The following ATP2A3 variants were observed in gnomAD, a reference collection of about 807,000 sequenced individuals.
ATP2A3 encodes sarcoplasmic/endoplasmic reticulum calcium ATPase 3.
Under a neutral mutation model 106.8 loss-of-function variants are expected in ATP2A3, and 61 were observed. That is an observed-to-expected ratio of 0.57 (90% CI 0.46 to 0.71). ATP2A3 has a LOEUF of 0.71. Ranked by LOEUF, ATP2A3 falls within the 30% of genes least tolerant of loss-of-function variation. The pLI, the probability that ATP2A3 is intolerant of heterozygous loss-of-function variation, is 0.00. For synonymous variants in ATP2A3, 611 were observed against 609.3 expected (o/e 1.00, Z -0.04); for missense variants, 1,201 against 1,423.5 (o/e 0.84, Z 2.52).
In ATP2A3 at chr17:3,936,447, C is replaced by T. The variant is rs1275608748; in HGVS notation, c.2344G>A (p.Gly782Ser). 6.2e-7 allele frequency: 1 copy of T among 1,614,032 alleles called. No individual in the cohort carries two copies. Among genetic ancestry groups the T allele is most frequent in the Admixed American group, 1.7e-5 (1 of 59,998 alleles). Residue 782 changes from glycine to serine, a missense_variant, in exon 16 of 21, where the codon GGC becomes AGC. Physicochemically the swap from Gly to Ser is moderately conservative, Grantham distance 56. Coordinates refer to ENST00000397041, the MANE Select transcript of ATP2A3 (RefSeq NM_005173.4). This position sits in a 1 kb window ranked among gnomAD's most constrained non-coding sequence, Gnocchi z 5.4. ...VVCIFLTAIL[G>S]LPEALIPVQL... is the part of the protein sequence containing the mutation. Reference sequence around the variant, plus strand: ...ACAGGGATCAGGGCTTCGGGCAGGCCCAGAATTGCCGTGAGGAAGATGCTG... The same window carrying T: ...ACAGGGATCAGGGCTTCGGGCAGGCTCAGAATTGCCGTGAGGAAGATGCTG...
chr17:3,951,586 A>G lies in ATP2A3; in HGVS notation c.319T>C (p.Trp107Arg), dbSNP rs370831903. 15 of 847,356 alleles carry G rather than the reference A, an allele frequency of 1.8e-5. No individual in the cohort carries two copies. The highest frequency in any genetic ancestry group is 2.4e-5 in the Non-Finnish European group (15 of 627,208). 52.5% of individuals were successfully genotyped at this position (847,356 alleles called of 1,614,324 possible). Residue 107 changes from tryptophan (W) to arginine (R), a missense_variant, in exon 4 of 21, where the codon TGG (tryptophan) becomes CGG (arginine). Coordinates refer to ENST00000397041, the MANE Select transcript of ATP2A3 (RefSeq NM_005173.4). ...ILVANAIVGV[W>R]QERNAESAIE... Reference sequence around the variant, plus strand: ...CCACCCCCAGTGCCTCCCACCTGCCACACGCCCACAATGGCGTTGGCCACG... The same window carrying G: ...CCACCCCCAGTGCCTCCCACCTGCCGCACGCCCACAATGGCGTTGGCCACG...
chr17:3,925,545 C>T lies in ATP2A3; in HGVS notation c.2981-104G>A, dbSNP rs750836441. 143 of 1,437,114 alleles carry T rather than the reference C, an allele frequency of 1.0e-4. No individual in the cohort carries two copies. Among genetic ancestry groups the T allele is most frequent in the Non-Finnish European group, 1.3e-4 (134 of 1,053,106 alleles). The allele number at this position is 1,437,114 out of a possible 1,614,324, so 89.0% of individuals were successfully genotyped here. A position where few individuals can be genotyped will look rare whatever the true frequency, so the allele number is the denominator to read the frequency against. On this transcript the variant is annotated intron_variant, in intron 20 of 20. Coordinates refer to ENST00000397041, the MANE Select transcript of ATP2A3 (RefSeq NM_005173.4). This position sits in a 1 kb window ranked among gnomAD's most constrained non-coding sequence, Gnocchi z 4.2. ...ATCCTCCACTTCTCCCAGGACAGCCCCAGGCTCCCAAGGCCTCCCTTAGTC... is the reference window on the plus strand; with the variant it reads ...ATCCTCCACTTCTCCCAGGACAGCCTCAGGCTCCCAAGGCCTCCCTTAGTC...
intron 1 of ATP2A3, among the ~76,000 whole-genome samples, chr17:3,960,437 C>T (rs189454136): frequency 1.3e-5 from 2 of 152,378 alleles, no homozygotes; most frequent in East Asian, 3.9e-4. Flanking sequence ...GGAAGGCAGG[C>T]TTCTGCCCGG....
At chr17:3,948,267 C>T (rs1261502951) in intron 7 of ATP2A3, among the ~76,000 whole-genome samples, 1 of 152,202 alleles carries the variant, frequency 6.6e-6, no homozygotes, top group Non-Finnish European at 1.5e-5. Flanking sequence ...ACTAAAAAAT[C>T]CAGAAAACCT....
chr17:3,938,581 T>C (rs1238302497), intron 14 of ATP2A3, among the ~76,000 whole-genome samples: 14 of 151,630 alleles, frequency 9.2e-5, no homozygotes, highest in Admixed American at 9.2e-4. Flanking sequence ...AGTCTCACTC[T>C]ATCGCCCAGG....
intron 16 of ATP2A3, 137 bp from the exon 17 acceptor site, chr17:3,935,414 TC>T: frequency 2.6e-6 from 2 of 775,638 alleles, no homozygotes; most frequent in Non-Finnish European, 4.2e-6. Flanking sequence ...TGCAGGCACC[TC>T]CCCTCGATGC....
At position 3,941,436 on chromosome 17, in the gene ATP2A3, C is replaced by A. The variant is rs1177008668; in HGVS notation, c.1764G>T (p.Glu588Asp). ...AGGGAGAATCGGCTCCTGCACCCAC[C>A]TCGTACTGCACAAACTTGCTGCAGT... ...LDDCSKFVQY[E>D]TDLTFVGCVG... Residue 588 changes from glutamate (E) to aspartate (D), a missense_variant and splice_region_variant, in exon 13 of 21, where the codon GAG (glutamate) becomes GAT (aspartate). By Grantham distance (45) the Glu-to-Asp change is conservative. This residue lies in a region of ATP2A3 where 935 missense variants were observed against 1,176.7 expected (regional missense o/e 0.79). Coordinates refer to ENST00000397041, the MANE Select transcript of ATP2A3 (RefSeq NM_005173.4). The A allele has an allele frequency of 6.2e-7, 1 of 1,614,158 alleles. No individual in the cohort carries two copies.
At chr17:3,959,850 G>C (rs2055042626) in intron 1 of ATP2A3, among the ~76,000 whole-genome samples, 1 of 152,232 alleles carries the variant, frequency 6.6e-6, no homozygotes, top group Admixed American at 6.5e-5. Flanking sequence ...AGCACCCCTG[G>C]CTTATCCGGA....
At position 3,925,940 on chromosome 17, in the gene ATP2A3, T is replaced by C. The variant is rs1440962295; in HGVS notation, c.2981-499A>G. Among the ~76,000 whole-genome samples, 2 of 150,702 alleles carry C rather than the reference T, an allele frequency of 1.3e-5. No individual in the cohort carries two copies. Among genetic ancestry groups the C allele is most frequent in the Non-Finnish European group, 3.0e-5 (2 of 67,792 alleles). Reference sequence around the variant, plus strand: ...CCCTAGCATCAAGCAAAAGCCGAAATCCAGTCCCAACACCCCATTTCATGG... The same window carrying C: ...CCCTAGCATCAAGCAAAAGCCGAAACCCAGTCCCAACACCCCATTTCATGG... On this transcript the variant is annotated intron_variant, in intron 20 of 20. Transcript: ENST00000397041. The surrounding 1 kb of genome is among the most constrained non-coding windows in gnomAD (Gnocchi z 4.2).
intron 1 of ATP2A3, among the ~76,000 whole-genome samples, chr17:3,957,879 C>G (rs760146584): frequency 6.6e-6 from 1 of 152,222 alleles, no homozygotes; most frequent in Non-Finnish European, 1.5e-5. Context: ...GAGACAGGAC[C>G]AGGAGGTGCC....
chr17:3,940,057 T>TTG (rs1567693994), intron 14 of ATP2A3, among the ~76,000 whole-genome samples: 2 of 142,602 alleles, frequency 1.4e-5, no homozygotes, highest in Non-Finnish European at 3.0e-5. Context: ...TTTGTTTTTT[T>TTG]TTTTTTTGGA....
chr17:3,932,539 A>C (rs1432074576), intron 17 of ATP2A3, among the ~76,000 whole-genome samples: 2 of 152,152 alleles, frequency 1.3e-5, no homozygotes, highest in Non-Finnish European at 2.9e-5. Context: ...TCCTGGGCTC[A>C]GGTGATTGTC....
Position 3,926,767 on chromosome 17 carries a change from A to C in ATP2A3, c.2981-1326T>G. 1.3e-6 allele frequency: 1 copy of C among 742,734 alleles called. No individual in the cohort carries two copies. The highest frequency in any genetic ancestry group is 1.6e-6 in the Non-Finnish European group (1 of 608,386). 46.0% of individuals were successfully genotyped at this position (742,734 alleles called of 1,614,324 possible). Reference sequence around the variant, plus strand: ...GTATCTTTAGTAGAGATGGGGTTTCACCATGTTGGCCAGGCTGGTCTCTAA... The same window carrying C: ...GTATCTTTAGTAGAGATGGGGTTTCCCCATGTTGGCCAGGCTGGTCTCTAA... On this transcript the variant is annotated intron_variant, in intron 20 of 20. Transcript: ENST00000397041. The surrounding 1 kb of genome is among the most constrained non-coding windows in gnomAD (Gnocchi z 4.6).
At position 3,944,776 on chromosome 17, in the gene ATP2A3, G is replaced by T. The variant is rs190072330; in HGVS notation, c.1215C>A (p.Gly405=). ...CCAGCTCCACCAGCCCGTCGAACTG[G>T]CCGCAGCGCACAGGCTGATCCCCCT... ...VRQGDQPVRC[G]QFDGLVELAT... The change falls in exon 10 of 21, where the codon GGC becomes GGA. Residue 405 remains glycine (G), a synonymous_variant. Transcript: ENST00000397041. 1.2e-5 allele frequency: 19 copies of T among 1,612,420 alleles called. No homozygotes were observed. The East Asian group carries it at 4.2e-4, about 36-fold the overall frequency.
chr17:3,951,528 C>T, intron 4 of ATP2A3, 53 bp downstream of exon 4: 1 of 1,555,296 alleles, frequency 6.4e-7, no homozygotes, highest in South Asian at 1.2e-5. Context: ...GGAGGGCACT[C>T]CTAGTGGCTG....
chr17:3,930,363 G>GCGTGA lies in ATP2A3; in HGVS notation c.2677_2681dup (p.Phe895HisfsTer13). ...CGGACAAGGCCATGGTGGTGGGGAA[G>GCGTGA]CGTGACTCGAACACCTCACAGTCGA... is the stretch of plus-strand genomic sequence containing the variant. On this transcript the variant is annotated frameshift_variant, in exon 18 of 21. Coordinates refer to ENST00000397041, the MANE Select transcript of ATP2A3 (RefSeq NM_005173.4). LOFTEE classifies it high-confidence loss of function. This position sits in a 1 kb window ranked among gnomAD's most constrained non-coding sequence, Gnocchi z 5.4. 1 of 1,613,720 alleles carries GCGTGA rather than the reference G, an allele frequency of 6.2e-7. No individual in the cohort carries two copies. The highest frequency in any genetic ancestry group is 8.5e-7 in the Non-Finnish European group (1 of 1,179,890).
In ATP2A3 at chr17:3,945,398, T is replaced by C. The variant is rs1353882655; in HGVS notation, c.1096-250A>G. On this transcript the variant is annotated intron_variant, in intron 8 of 20. Coordinates refer to ENST00000397041, the MANE Select transcript of ATP2A3 (RefSeq NM_005173.4). ...GGACTTCTGAGGGATTTATGGCAGA[T>C]TCTTCAGTGCTCTGGGGGCAGTTGC... 7.1e-6 allele frequency: 3 copies of C among 421,938 alleles called. No homozygotes were observed. The East Asian group carries it at 1.2e-4, about 17-fold the overall frequency. The allele number at this position is 421,938 out of a possible 1,614,324, so 26.1% of individuals were successfully genotyped here.
At chr17:3,944,273 G>A (rs1234590925) in intron 10 of ATP2A3, among the ~76,000 whole-genome samples, 1 of 152,174 alleles carries the variant, frequency 6.6e-6, no homozygotes, top group Non-Finnish European at 1.5e-5. Flanking sequence ...GCTTGGCCTC[G>A]GACTGGGTCT....
intron 17 of ATP2A3, among the ~76,000 whole-genome samples, chr17:3,933,174 G>T (rs533369579): frequency 2.0e-5 from 3 of 151,574 alleles, no homozygotes; most frequent in African/African-American, 7.3e-5. Flanking sequence ...CCAGCTACTC[G>T]GGAGGCTGAG....
Sources: gnomAD v4.1 joint callset for allele counts (sites outside exome capture counted in the v4.1 genomes callset) on GRCh38, gnomAD v4.1.1 for gene constraint, gnomAD v4.1.1 regional missense constraint, Gnocchi (gnomAD v3.1) non-coding constraint, MANE v1.5 for transcripts, NCBI Gene and HGNC (gene_info 2026-07-23, HGNC 2026-07-21) for gene names.